TYR: variants seen among roughly 807,000 people sequenced by gnomAD.
The protein encoded by TYR is tyrosinase.
In TYR, 58 loss-of-function variants were observed where a neutral mutation model predicts 51.5. The ratio of observed to expected loss-of-function variants is 1.13; its 90% CI spans 0.91 to 1.40. The LOEUF is 1.40. Among genes scored for constraint, TYR ranks in the 40% most tolerant of loss-of-function variants. TYR has a pLI of 0.00. For synonymous variants in TYR, 263 were observed against 235.2 expected, an observed-to-expected ratio of 1.12 and a Z score of -1.08; for missense variants, 732 against 647.4, an observed-to-expected ratio of 1.13 and a Z score of -1.42.
At chr11:89,268,168 G>A (rs1235343282) in intron 3 of TYR, among the ~76,000 whole-genome samples, 1 of 151,794 alleles carries the variant, frequency 6.6e-6, no homozygotes, top group African/African-American at 2.4e-5. Flanking sequence ...TAGCTCATAG[G>A]GTTGTTCTGA....
chr11:89,257,284 T>C (rs1471258697), intron 3 of TYR, among the ~76,000 whole-genome samples: 6 of 151,954 alleles, frequency 3.9e-5, no homozygotes, highest in Admixed American at 3.9e-4. Flanking sequence ...CTATCAGGCA[T>C]TGATACACAT....
chr11:89,268,029 T>A (rs1298628162), intron 3 of TYR, among the ~76,000 whole-genome samples: 1 of 152,010 alleles, frequency 6.6e-6, no homozygotes, highest in Non-Finnish European at 1.5e-5. Context: ...TAAGAACACT[T>A]ATCATATTTA....
rs1169962741 is a variant in TYR at position 89,242,930 on chromosome 11, T to A, written c.1184+14960T>A. Reference sequence around the variant, plus strand: ...AGACCTCGACTGAGATATGAGTCAGTTAACCACTCAATCATGGAGCCTCTG... The same window carrying A: ...AGACCTCGACTGAGATATGAGTCAGATAACCACTCAATCATGGAGCCTCTG... On this transcript the variant is annotated intron_variant, in intron 3 of 4. Transcript: ENST00000263321. 3.3e-5 allele frequency among the ~76,000 whole-genome samples: 5 copies of A among 152,294 alleles called. No homozygotes were observed. In the East Asian group the frequency reaches 9.7e-4, roughly 29 times the overall value.
intron 3 of TYR, among the ~76,000 whole-genome samples, chr11:89,246,648 C>T (rs1944271143): frequency 6.6e-6 from 1 of 152,116 alleles, no homozygotes; most frequent in Non-Finnish European, 1.5e-5. Context: ...TCTGGAGTGA[C>T]ATTTTGGCTG....
chr11:89,211,232 C>T (rs936756722), intron 2 of TYR, among the ~76,000 whole-genome samples: 4 of 152,048 alleles, frequency 2.6e-5, no homozygotes, highest in African/African-American at 9.7e-5. Flanking sequence ...TGCAAAGACA[C>T]ACATAGGCTC....
intron 2 of TYR, among the ~76,000 whole-genome samples, chr11:89,197,889 T>C (rs1251674769): frequency 7.2e-6 from 1 of 139,834 alleles, no homozygotes; most frequent in East Asian, 2.0e-4. Flanking sequence ...CTTATAAAGC[T>C]GATATTATGC....
intron 1 of TYR, among the ~76,000 whole-genome samples, chr11:89,189,933 C>T (rs1347776153): frequency 6.6e-6 from 1 of 152,134 alleles, no homozygotes; most frequent in African/African-American, 2.4e-5. Flanking sequence ...TCCCACACTA[C>T]TATAATGGAG....
intron 3 of TYR, among the ~76,000 whole-genome samples, chr11:89,262,870 AAACAAC>A (rs892850517): frequency 3.4e-4 from 48 of 140,698 alleles, no homozygotes; most frequent in African/African-American, 1.3e-3. Flanking sequence ...AAAAAAAAAA[AAACAAC>A]AACAACAACA....
At chr11:89,214,595 G>A (rs12418148) in intron 2 of TYR, among the ~76,000 whole-genome samples, 5,171 of 152,212 alleles carry the variant, frequency 0.034, 139 homozygotes, top group African/African-American at 0.072. Flanking sequence ...GTTTATTGCG[G>A]AACTATTTAC....
chr11:89,222,152 G>A (rs1200953022), intron 2 of TYR, among the ~76,000 whole-genome samples: 1 of 152,300 alleles, frequency 6.6e-6, no homozygotes, highest in South Asian at 2.1e-4. Flanking sequence ...TATAGAAGGT[G>A]AAAATTTCAT....
At chr11:89,218,407 T>C (rs987353470) in intron 2 of TYR, among the ~76,000 whole-genome samples, 2 of 152,170 alleles carry the variant, frequency 1.3e-5, no homozygotes, top group African/African-American at 2.4e-5. Flanking sequence ...GAAAAACTAA[T>C]TATAATCCAA....
intron 3 of TYR, among the ~76,000 whole-genome samples, chr11:89,232,633 A>G (rs771179749): frequency 3.5e-5 from 5 of 142,280 alleles, no homozygotes; most frequent in Non-Finnish European, 7.5e-5. Context: ...GATGGGTTCA[A>G]TCATACCCAA....
At chr11:89,255,230 A>G (rs1590881314) in intron 3 of TYR, among the ~76,000 whole-genome samples, 1 of 151,804 alleles carries the variant, frequency 6.6e-6, no homozygotes, top group South Asian at 2.1e-4. Flanking sequence ...TTTGTGGCCC[A>G]TCATATGATC....
At chr11:89,208,216 G>C (rs1943699129) in intron 2 of TYR, among the ~76,000 whole-genome samples, 1 of 152,236 alleles carries the variant, frequency 6.6e-6, no homozygotes, top group African/African-American at 2.4e-5. Flanking sequence ...CCTGCAGTGA[G>C]TGGAGATCGC....
intron 2 of TYR, among the ~76,000 whole-genome samples, chr11:89,215,857 G>GT (rs1943825747): frequency 6.6e-6 from 1 of 151,988 alleles, no homozygotes; most frequent in Non-Finnish European, 1.5e-5. Flanking sequence ...TACAGCTCAT[G>GT]TTTTTTATTT....
At chr11:89,198,715 C>A (rs1024478466) in intron 2 of TYR, among the ~76,000 whole-genome samples, 3 of 151,284 alleles carry the variant, frequency 2.0e-5, no homozygotes, top group Non-Finnish European at 4.4e-5. Context: ...ACATTATAAG[C>A]TCATTCCACT....
chr11:89,285,770 A>G (rs1944778470), intron 4 of TYR, among the ~76,000 whole-genome samples: 1 of 151,804 alleles, frequency 6.6e-6, no homozygotes, highest in Non-Finnish European at 1.5e-5. Flanking sequence ...TCAAACACCA[A>G]TAATGTGGAG....
intron 3 of TYR, among the ~76,000 whole-genome samples, chr11:89,234,810 A>T (rs1416654625): frequency 6.6e-6 from 1 of 152,124 alleles, no homozygotes; most frequent in Non-Finnish European, 1.5e-5. Flanking sequence ...CTGGTCACAG[A>T]TCAGCATAAC....
At chr11:89,258,945 A>G (rs1248291972) in intron 3 of TYR, among the ~76,000 whole-genome samples, 2 of 151,956 alleles carry the variant, frequency 1.3e-5, no homozygotes, top group Admixed American at 1.3e-4. Flanking sequence ...TGTTTCATCT[A>G]TTTTCTAAGT....
Sources: allele counts gnomAD v4.1 joint callset (sites outside exome capture counted in the v4.1 genomes callset), GRCh38; gene constraint gnomAD v4.1.1; transcripts MANE v1.5; gene names NCBI Gene and HGNC (gene_info 2026-07-23, HGNC 2026-07-21).